RCOR2: variants seen among roughly 807,000 people sequenced by gnomAD.
RCOR2 encodes the protein REST corepressor 2.
RCOR2 carries 19 observed loss-of-function variants against 58.9 expected under a neutral mutation model. The observed-to-expected ratio is 0.32, with a 90% confidence interval of 0.23 to 0.47. The LOEUF is 0.47. Ranked by LOEUF, RCOR2 falls within the 20% of genes least tolerant of loss-of-function variation. The pLI is 1.00. For synonymous variants in RCOR2, 286 were observed against 278.7 expected (o/e 1.03, Z -0.26); for missense variants, 590 against 707.9 (o/e 0.83, Z 1.89).
chr11:63,919,834 TGCAGGCCAGGAC>T (rs766715839), upstream of RCOR2, among the ~76,000 whole-genome samples: 1 of 152,374 alleles, frequency 6.6e-6, no homozygotes, highest in South Asian at 2.1e-4. Context: ...TTTCGAGGGC[TGCAGGCCAGGAC>T]GCAGGCCGCC....
chr11:63,927,198 C>T, the RCOR2 span, among the ~76,000 whole-genome samples: 5 of 152,184 alleles, frequency 3.3e-5, no homozygotes, highest in African/African-American at 1.2e-4. Context: ...TCACCTTCTG[C>T]AGGACATCTG....
upstream of RCOR2, among the ~76,000 whole-genome samples, chr11:63,920,769 G>T (rs1479126470): frequency 1.3e-5 from 2 of 152,064 alleles, no homozygotes; most frequent in Non-Finnish European, 2.9e-5. Flanking sequence ...CAGGAATTCG[G>T]TTCCTCCCTC....
In RCOR2 at chr11:63,913,827, C is replaced by T. The variant is rs1475344117; in HGVS notation, c.891+127G>A. 1.3e-5 allele frequency: 12 copies of T among 902,808 alleles called. No homozygotes were observed. The Admixed American group carries it at 1.7e-4, about 13-fold the overall frequency. The allele number at this position is 902,808 out of a possible 1,614,324, so 55.9% of individuals were successfully genotyped here. On this transcript the variant is annotated intron_variant, in intron 8 of 11. Transcript: ENST00000301459. ...AAGGCCCAAAAAGAACACCACATTA[C>T]TCAGAGTCCCAGAGGATGGGGCTCG...
chr11:63,920,547 G>T (rs1941909187), upstream of RCOR2, among the ~76,000 whole-genome samples: 1 of 152,230 alleles, frequency 6.6e-6, no homozygotes, highest in Admixed American at 6.5e-5. Flanking sequence ...CTTGGGGAGG[G>T]AGAGAGGCAG....
At chr11:63,923,582 C>T in the RCOR2 span, among the ~76,000 whole-genome samples, 1 of 152,178 alleles carries the variant, frequency 6.6e-6, no homozygotes, top group Non-Finnish European at 1.5e-5. Flanking sequence ...CAGGACTGGA[C>T]AGACAGGGCC....
the RCOR2 span, among the ~76,000 whole-genome samples, chr11:63,925,433 A>G: frequency 6.6e-6 from 1 of 152,254 alleles, no homozygotes; most frequent in African/African-American, 2.4e-5. Context: ...ATGTAAGACA[A>G]AAGACCAGGA....
chr11:63,911,841 G>C lies in RCOR2; in HGVS notation c.*24C>G, dbSNP rs769317857. The C allele has an allele frequency of 3.4e-6, 5 of 1,483,178 alleles. No homozygotes were observed. Among genetic ancestry groups the C allele is most frequent in the Non-Finnish European group, 2.7e-6 (3 of 1,129,222 alleles). The allele number at this position is 1,483,178 out of a possible 1,614,324, so 91.9% of individuals were successfully genotyped here. On this transcript the variant is annotated 3_prime_UTR_variant, in exon 12 of 12. Coordinates refer to ENST00000301459, the MANE Select transcript of RCOR2 (RefSeq NM_173587.4). ...GGCCAGCAAAGGGGTCCTGGAGCCCGTGGTTGGTGGAGGACGTCAGGGCTC... is the reference window on the plus strand; with the variant it reads ...GGCCAGCAAAGGGGTCCTGGAGCCCCTGGTTGGTGGAGGACGTCAGGGCTC...
rs1206325618 is a variant in RCOR2, at chr11:63,912,347, T to C, written c.1215A>G (p.Arg405=). 6.2e-7 allele frequency: 1 copy of C among 1,613,238 alleles called. No individual in the cohort carries two copies. Among genetic ancestry groups the C allele is most frequent in the African/African-American group, 1.3e-5 (1 of 74,778 alleles). ...GAPVPMEEAR[R]GAPLPAPALE... Reference sequence around the variant, plus strand: ...GGGCTGGGGCTGGCAATGGAGCCCCTCTCCTAGCCTCCTCCATGGGGACTG... The same window carrying C: ...GGGCTGGGGCTGGCAATGGAGCCCCCCTCCTAGCCTCCTCCATGGGGACTG... Residue 405 remains arginine, a synonymous_variant, in exon 11 of 12, where the codon AGA becomes AGG. Coordinates refer to ENST00000301459, the MANE Select transcript of RCOR2 (RefSeq NM_173587.4).
chr11:63,914,031 C>T lies in RCOR2; in HGVS notation c.814G>A (p.Ala272Thr), dbSNP rs779231881. ...GCAAGGTCCGGGCTTCCTGACACTG[C>T]CGTGAGGCCTTCAGGGCTCAGGTAC... Reference protein sequence around the residue: ...GMYLSPEGLTAVSGSPDLANL... With the variant: ...GMYLSPEGLTTVSGSPDLANL... Residue 272 changes from alanine (A) to threonine (T), a missense_variant, in exon 8 of 12, where the codon GCA becomes ACA. By Grantham distance (58) the Ala-to-Thr change is moderately conservative (BLOSUM62 0). Around this residue, in one of 3 missense-constraint regions of RCOR2, gnomAD observed 390 missense variants for 478.7 expected, o/e 0.81. Coordinates refer to ENST00000301459, the MANE Select transcript of RCOR2 (RefSeq NM_173587.4). 1.2e-6 allele frequency: 2 copies of T among 1,613,674 alleles called. No individual in the cohort carries two copies. The highest frequency in any genetic ancestry group is 1.3e-5 in the African/African-American group (1 of 75,038).
At chr11:63,923,395 T>TA in the RCOR2 span, among the ~76,000 whole-genome samples, 328 of 148,622 alleles carry the variant, frequency 2.2e-3, 10 homozygotes, top group East Asian at 0.046. Flanking sequence ...ATTGCTGCCT[T>TA]AAAAAAAAAA....
chr11:63,927,025 A>G, the RCOR2 span, among the ~76,000 whole-genome samples: 5 of 150,822 alleles, frequency 3.3e-5, no homozygotes, highest in African/African-American at 1.2e-4. Flanking sequence ...GGGTTTCACC[A>G]TGGGTCTTGT....
upstream of RCOR2, among the ~76,000 whole-genome samples, chr11:63,920,891 C>T (rs1442104196): frequency 6.6e-6 from 1 of 152,158 alleles, no homozygotes; most frequent in Non-Finnish European, 1.5e-5. Context: ...CTTCCCCCAC[C>T]CCACCTCACC....
the RCOR2 span, among the ~76,000 whole-genome samples, chr11:63,922,269 G>A: frequency 6.6e-6 from 1 of 152,152 alleles, no homozygotes; most frequent in Non-Finnish European, 1.5e-5. Flanking sequence ...CTTTAGACAT[G>A]TCAGCAGTTC....
At chr11:63,914,573 A>T (rs1423184489) in intron 5 of RCOR2, 32 bp from the exon 6 acceptor site, 1 of 1,612,800 alleles carries the variant, frequency 6.2e-7, no homozygotes, top group Non-Finnish European at 8.5e-7. Flanking sequence ...GCTGGGGACC[A>T]CTCAAGACTC....
At chr11:63,921,037 G>T (rs1020108518), upstream of RCOR2, among the ~76,000 whole-genome samples, 14 of 152,240 alleles carry the variant, frequency 9.2e-5, no homozygotes, top group Admixed American at 4.6e-4. Flanking sequence ...GTGGCCCTTG[G>T]GGGAGGATGC....
rs543905673 is a variant in RCOR2 at position 63,916,967 on chromosome 11, C to CCGGCGGCGGCGGCGGCGGCGGCGG, written c.-512_-511insCCGCCGCCGCCGCCGCCGCCGCCG. ...CCCGCGACGGCAGCCGGCCGGGGCA[C>CCGGCGGCGGCGGCGGCGGCGGCGG]CGGCGGCGGCGGCGGCGGCGACGGC... is the stretch of plus-strand genomic sequence containing the variant. On this transcript the variant is annotated 5_prime_UTR_variant, in exon 1 of 12. Coordinates refer to ENST00000301459, the MANE Select transcript of RCOR2 (RefSeq NM_173587.4). The CCGGCGGCGGCGGCGGCGGCGGCGG allele has an allele frequency of 1.4e-5, 2 of 147,030 alleles. No individual in the cohort carries two copies. The highest frequency in any genetic ancestry group is 2.0e-4 in the East Asian group (1 of 4,994). The allele number at this position is 147,030 out of a possible 1,614,324, so 9.1% of individuals were successfully genotyped here. A position where few individuals can be genotyped will look rare whatever the true frequency, so the allele number is the denominator to read the frequency against.
intron 5 of RCOR2, 52 bp downstream of exon 5, chr11:63,914,603 T>C: frequency 6.2e-7 from 1 of 1,609,644 alleles, no homozygotes; most frequent in Non-Finnish European, 8.5e-7. Context: ...GGTAAGCTCT[T>C]CAGAAAGGAG....
At chr11:63,912,791 G>A in intron 9 of RCOR2, 58 bp from the exon 10 acceptor site, 1 of 1,606,848 alleles carries the variant, frequency 6.2e-7, no homozygotes, top group Middle Eastern at 1.7e-4. Context: ...TGGAAGCCCT[G>A]CTCCCCAAGC....
In RCOR2 at chr11:63,912,584, C is replaced by A. The variant is rs754218963; in HGVS notation, c.1028-50G>T. 10 of 1,590,068 alleles carry A rather than the reference C, an allele frequency of 6.3e-6. No homozygotes were observed. The Admixed American group carries it at 1.7e-4, about 27-fold the overall frequency. On this transcript the variant is annotated intron_variant, in intron 10 of 11. Transcript: ENST00000301459. Reference sequence around the variant, plus strand: ...CGTCAATACCCCTTCGAACTAGTTACTTCCCTGACCCTTCCCCTCTGCCCC... The same window carrying A: ...CGTCAATACCCCTTCGAACTAGTTAATTCCCTGACCCTTCCCCTCTGCCCC...
Sources: allele counts gnomAD v4.1 joint callset (sites outside exome capture counted in the v4.1 genomes callset), GRCh38; gene constraint gnomAD v4.1.1; regional missense constraint gnomAD v4.1.1; transcripts MANE v1.5; gene names NCBI Gene and HGNC (gene_info 2026-07-23, HGNC 2026-07-21).